SLC10A7: variants seen among roughly 807,000 people sequenced by gnomAD.
SLC10A7 encodes the protein sodium/bile acid cotransporter 7.
A neutral mutation model predicts 43.2 loss-of-function variants in SLC10A7; 29 were observed. The observed-to-expected ratio is 0.67, with a 90% CI of 0.50 to 0.92. SLC10A7 has a LOEUF of 0.92. Among genes scored for constraint, SLC10A7 ranks in the 40% least tolerant of loss-of-function variants. SLC10A7 has a pLI of 0.00. For missense variants in SLC10A7, 295 were observed against 403.2 expected (o/e 0.73, Z 2.30); for synonymous variants, 152 against 144.8 (o/e 1.05, Z -0.35).
chr4:146,277,052 G>A (rs888793836), intron 10 of SLC10A7, among the ~76,000 whole-genome samples: 9 of 152,160 alleles, frequency 5.9e-5, no homozygotes, highest in African/African-American at 2.2e-4. Context: ...AAGCTATAAA[G>A]CAATCTTTTT....
chr4:146,477,725 G>A (rs1223479688), intron 4 of SLC10A7, among the ~76,000 whole-genome samples: 1 of 152,154 alleles, frequency 6.6e-6, no homozygotes, highest in Non-Finnish European at 1.5e-5. Flanking sequence ...GGAACAGGAA[G>A]CTGTGATCTA....
chr4:146,339,283 T>G (rs1299098997), intron 5 of SLC10A7, among the ~76,000 whole-genome samples: 5 of 151,998 alleles, frequency 3.3e-5, no homozygotes, highest in Non-Finnish European at 7.4e-5. Context: ...CTATTCCTTT[T>G]GGACGTGTCT....
At chr4:146,304,109 T>A (rs1731359254) in intron 7 of SLC10A7, among the ~76,000 whole-genome samples, 1 of 39,842 alleles carries the variant, frequency 2.5e-5, no homozygotes, top group South Asian at 8.4e-4. Context: ...TATGCTTATA[T>A]GCTTACTACT....
At chr4:146,290,915 CAGTGAATGCAGAA>C (rs35398256) in intron 9 of SLC10A7, among the ~76,000 whole-genome samples, 2,951 of 152,194 alleles carry the variant, frequency 0.019, 111 homozygotes, top group African/African-American at 0.066. Context: ...GACAGAACCT[CAGTGAATGCAGAA>C]TAAGCAAGAA....
rs59811977 is a variant in SLC10A7 at position 146,292,823 on chromosome 4, T to C, written c.773+106A>G. Reference sequence around the variant, plus strand: ...GTCAGGGAGACAGGAGAAAAACATATGTAAAAGGAGAAAAAAATATAAACG... The same window carrying C: ...GTCAGGGAGACAGGAGAAAAACATACGTAAAAGGAGAAAAAAATATAAACG... On this transcript the variant is annotated intron_variant, in intron 9 of 11. Transcript: ENST00000335472. 57,350 of 738,360 alleles carry C rather than the reference T, an allele frequency of 0.078. 3,474 individuals are homozygous for C. Among genetic ancestry groups the C allele is most frequent in the East Asian group, 0.23 (7,993 of 35,044 alleles). 45.7% of individuals were successfully genotyped at this position (738,360 alleles called of 1,614,324 possible). A position where few individuals can be genotyped will look rare whatever the true frequency, so the allele number is the denominator to read the frequency against.
At chr4:146,400,169 C>A (rs974441987) in intron 5 of SLC10A7, among the ~76,000 whole-genome samples, 1 of 152,118 alleles carries the variant, frequency 6.6e-6, no homozygotes, top group Non-Finnish European at 1.5e-5. Context: ...AGCAAGTGAT[C>A]AATATTGTCT....
At chr4:146,300,871 T>A (rs997721198) in intron 7 of SLC10A7, among the ~76,000 whole-genome samples, 6 of 152,218 alleles carry the variant, frequency 3.9e-5, no homozygotes, top group Non-Finnish European at 8.8e-5. Context: ...AAAAATATTA[T>A]CCTGAACAAA....
chr4:146,294,749 A>G (rs1371841905), intron 7 of SLC10A7, among the ~76,000 whole-genome samples: 1 of 152,210 alleles, frequency 6.6e-6, no homozygotes, highest in Non-Finnish European at 1.5e-5. Context: ...AAAATGAATA[A>G]ACCTGTCCTA....
At chr4:146,356,574 G>GACAC (rs34496192) in intron 5 of SLC10A7, among the ~76,000 whole-genome samples, 8,626 of 150,328 alleles carry the variant, frequency 0.057, 359 homozygotes, top group South Asian at 0.18. Flanking sequence ...ACAACAGACA[G>GACAC]ACACACACAC....
intron 3 of SLC10A7, among the ~76,000 whole-genome samples, chr4:146,508,882 A>G (rs1339834975): frequency 3.3e-5 from 5 of 152,194 alleles, no homozygotes; most frequent in Non-Finnish European, 7.4e-5. Flanking sequence ...ACCACGGCCT[A>G]TAAGGCTCTA....
chr4:146,459,081 T>C (rs1732314020), intron 4 of SLC10A7, among the ~76,000 whole-genome samples: 1 of 151,756 alleles, frequency 6.6e-6, no homozygotes, highest in Non-Finnish European at 1.5e-5. Flanking sequence ...AATTTTAAAT[T>C]GAAATTAATA....
intron 5 of SLC10A7, among the ~76,000 whole-genome samples, chr4:146,404,670 A>G (rs529810721): frequency 5.3e-5 from 8 of 152,038 alleles, no homozygotes; most frequent in African/African-American, 1.9e-4. Flanking sequence ...AGGCCCTGCT[A>G]TGTTACTCAG....
chr4:146,301,597 T>G lies in SLC10A7; in HGVS notation c.555+4329A>C, dbSNP rs1013440201. Reference sequence around the variant, plus strand: ...AGACAGGTTTAGGAGGTGCAGTAATTTAGACAAGAGATGATGAAGGTGTGT... The same window carrying G: ...AGACAGGTTTAGGAGGTGCAGTAATGTAGACAAGAGATGATGAAGGTGTGT... On this transcript the variant is annotated intron_variant, in intron 7 of 11. Transcript: ENST00000335472. Among the ~76,000 whole-genome samples, 3 of 152,224 alleles carry G rather than the reference T, an allele frequency of 2.0e-5. No individual in the cohort carries two copies. In the East Asian group the frequency reaches 5.8e-4, roughly 29 times the overall value.
intron 5 of SLC10A7, among the ~76,000 whole-genome samples, chr4:146,413,530 A>C (rs1728348180): frequency 6.6e-6 from 1 of 152,136 alleles, no homozygotes; most frequent in Non-Finnish European, 1.5e-5. Context: ...CTGCTTCTTC[A>C]CTACAGGTTC....
rs1465999296 is a variant in SLC10A7 at position 146,442,944 on chromosome 4, A to G, written c.397-123T>C. The stretch of plus-strand genomic sequence containing the variant: ...CTTAAAACATTGACTCTATAAAGCA[A>G]AGTTAGTCACTGCTTACAAAAATTG... On this transcript the variant is annotated intron_variant, in intron 4 of 11. Coordinates refer to ENST00000335472, the MANE Select transcript of SLC10A7 (RefSeq NM_001029998.6). 5 of 707,234 alleles carry G rather than the reference A, an allele frequency of 7.1e-6. No individual in the cohort carries two copies. In the East Asian group the frequency reaches 1.5e-4, roughly 21 times the overall value. The allele number at this position is 707,234 out of a possible 1,614,324, so 43.8% of individuals were successfully genotyped here.
chr4:146,500,566 A>G (rs1411394250), intron 4 of SLC10A7, among the ~76,000 whole-genome samples: 1 of 152,214 alleles, frequency 6.6e-6, no homozygotes, highest in Non-Finnish European at 1.5e-5. Context: ...ATTCTCTCTC[A>G]TTTGATCAAA....
chr4:146,320,473 T>A (rs1732629157), intron 6 of SLC10A7, among the ~76,000 whole-genome samples: 1 of 152,038 alleles, frequency 6.6e-6, no homozygotes, highest in African/African-American at 2.4e-5. Flanking sequence ...AGTGAAGAAC[T>A]TTTGATTTTG....
chr4:146,289,626 T>C lies in SLC10A7; in HGVS notation c.773+3303A>G, dbSNP rs533506292. On this transcript the variant is annotated intron_variant, in intron 9 of 11. Coordinates refer to ENST00000335472, the MANE Select transcript of SLC10A7 (RefSeq NM_001029998.6). The stretch of plus-strand genomic sequence containing the variant: ...CTCTTGGCTTGATGAATCAACTCAT[T>C]TCCTAGCAACTAGGACAGAGAAAAG... Among the ~76,000 whole-genome samples, 21 of 152,094 alleles carry C rather than the reference T, an allele frequency of 1.4e-4. No individual in the cohort carries two copies. The East Asian group carries it at 4.1e-3, about 29-fold the overall frequency.
chr4:146,278,145 G>C (rs1406908788), intron 10 of SLC10A7, among the ~76,000 whole-genome samples: 2 of 152,082 alleles, frequency 1.3e-5, no homozygotes, highest in African/African-American at 4.8e-5. Flanking sequence ...TAGTTTCTGA[G>C]ATATGATCTG....
Sources: allele counts gnomAD v4.1 joint callset (sites outside exome capture counted in the v4.1 genomes callset), GRCh38; gene constraint gnomAD v4.1.1; transcripts MANE v1.5; gene names NCBI Gene and HGNC (gene_info 2026-07-23, HGNC 2026-07-21).